RAB31: variants seen among roughly 807,000 people sequenced by gnomAD.
RAB31 encodes ras-related protein Rab-31.
RAB31 carries 21 observed loss-of-function variants against 25.6 expected under a neutral mutation model. The ratio of observed to expected loss-of-function variants is 0.82; its 90% CI spans 0.58 to 1.18. The LOEUF (loss-of-function observed/expected upper bound fraction) is 1.18, where lower values mean the gene tolerates loss of function less well. RAB31 is among the 50% of genes most tolerant of loss of function. RAB31 has a pLI of 0.00. For missense variants in RAB31, 196 were observed against 250.1 expected, an observed-to-expected ratio of 0.78 and a Z score of 1.46; for synonymous variants, 87 against 84.0, an observed-to-expected ratio of 1.04 and a Z score of -0.20.
intron 1 of RAB31, among the ~76,000 whole-genome samples, chr18:9,718,239 A>G (rs1432325808): frequency 6.6e-6 from 1 of 151,812 alleles, no homozygotes; most frequent in Non-Finnish European, 1.5e-5. Context: ...TCATTTTAGC[A>G]GCTAAAATAT....
chr18:9,784,703 C>G (rs990644914), intron 2 of RAB31, among the ~76,000 whole-genome samples: 2 of 151,958 alleles, frequency 1.3e-5, no homozygotes, highest in African/African-American at 4.8e-5. Flanking sequence ...CAGGCACACA[C>G]CACCACACCT....
chr18:9,791,027 C>A (rs951746623), intron 2 of RAB31, among the ~76,000 whole-genome samples: 1 of 152,140 alleles, frequency 6.6e-6, no homozygotes, highest in Non-Finnish European at 1.5e-5. Context: ...TCTACTGAGG[C>A]TTTAAAATCC....
intron 3 of RAB31, among the ~76,000 whole-genome samples, chr18:9,796,919 T>C (rs1265284231): frequency 1.3e-5 from 2 of 152,166 alleles, no homozygotes. Flanking sequence ...ATTAAAGTTA[T>C]ATTAAATATT....
chr18:9,775,657 G>C (rs952625259), intron 2 of RAB31, among the ~76,000 whole-genome samples: 11 of 152,080 alleles, frequency 7.2e-5, no homozygotes, highest in African/African-American at 2.4e-4. Flanking sequence ...GTTGGAAGAC[G>C]ATATGCAGAG....
chr18:9,809,084 A>G (rs887025945), intron 3 of RAB31, among the ~76,000 whole-genome samples: 1 of 152,246 alleles, frequency 6.6e-6, no homozygotes, highest in Non-Finnish European at 1.5e-5. Flanking sequence ...GTGCGAGCAC[A>G]TAAGGCAGTA....
chr18:9,809,176 G>T (rs1231007492), intron 3 of RAB31, among the ~76,000 whole-genome samples: 1 of 152,204 alleles, frequency 6.6e-6, no homozygotes, highest in Non-Finnish European at 1.5e-5. Context: ...TTGGCCGTGA[G>T]CTCTGGAGGG....
chr18:9,834,719 G>A (rs1276429670), intron 5 of RAB31, among the ~76,000 whole-genome samples: 1 of 152,160 alleles, frequency 6.6e-6, no homozygotes, highest in East Asian at 1.9e-4. Context: ...CTTCTTTGGC[G>A]GTGGGGGAAG....
At chr18:9,787,060 C>T in intron 2 of RAB31, 1 of 204,480 alleles carries the variant, frequency 4.9e-6, no homozygotes, top group East Asian at 1.2e-4. Context: ...TCAGTCATAT[C>T]TGCCTGAACT....
intron 1 of RAB31, among the ~76,000 whole-genome samples, chr18:9,743,001 A>T (rs1489209678): frequency 1.3e-5 from 2 of 152,210 alleles, no homozygotes; most frequent in African/African-American, 4.8e-5. Context: ...CAACATGTTG[A>T]TGTTCTCGGA....
At chr18:9,857,652 G>A (rs142674163) in intron 6 of RAB31, among the ~76,000 whole-genome samples, 36 of 123,764 alleles carry the variant, frequency 2.9e-4, no homozygotes, top group African/African-American at 9.8e-4. Context: ...TAGATAGATA[G>A]ATAGATAGAT....
In RAB31 at chr18:9,800,859, C is replaced by T. The variant is rs114681322; in HGVS notation, c.201+8624C>T. Among the ~76,000 whole-genome samples, 466 of 152,252 alleles carry T rather than the reference C, an allele frequency of 3.1e-3. 4 individuals carry two copies. Among genetic ancestry groups the T allele is most frequent in the African/African-American group, 0.011 (441 of 41,550 alleles). On this transcript the variant is annotated intron_variant, in intron 3 of 6. Transcript: ENST00000578921. ...ATACAATTTATCCATCTAAAGTACG[C>T]ACCTTGGTGGGTTCTGATGTGTTCC...
chr18:9,853,943 TTTTTCTTTTC>T (rs199569039), intron 6 of RAB31, among the ~76,000 whole-genome samples: 3 of 146,810 alleles, frequency 2.0e-5, no homozygotes, highest in African/African-American at 2.4e-5. Flanking sequence ...AGGTTTTCTT[TTTTTCTTTTC>T]TTTTCTTTTC....
intron 2 of RAB31, 101 bp from the exon 3 acceptor site, chr18:9,792,053 T>G: frequency 1.4e-6 from 2 of 1,455,250 alleles, no homozygotes; most frequent in Non-Finnish European, 9.2e-7. Flanking sequence ...GACCAGGGCT[T>G]TTTGGGGTCC....
chr18:9,789,084 A>G (rs1053782235), intron 2 of RAB31, among the ~76,000 whole-genome samples: 2 of 152,258 alleles, frequency 1.3e-5, no homozygotes, highest in Non-Finnish European at 2.9e-5. Context: ...TCATGGCAAC[A>G]TGGATGAACC....
At chr18:9,811,590 A>G (rs112675350) in intron 3 of RAB31, among the ~76,000 whole-genome samples, 47 of 152,334 alleles carry the variant, frequency 3.1e-4, no homozygotes, top group Non-Finnish European at 6.0e-4. Context: ...AAACCATATT[A>G]TTTAAAACTC....
intron 1 of RAB31, among the ~76,000 whole-genome samples, chr18:9,750,756 C>G (rs1450426483): frequency 6.6e-6 from 1 of 152,216 alleles, no homozygotes; most frequent in Admixed American, 6.5e-5. Context: ...GTTGTCCAAA[C>G]CACTAAGTGA....
chr18:9,817,759 C>T (rs575137583), intron 5 of RAB31, among the ~76,000 whole-genome samples: 1 of 152,194 alleles, frequency 6.6e-6, no homozygotes, highest in South Asian at 2.1e-4. Flanking sequence ...ACAGGTACAG[C>T]ATTCTTCTTG....
intron 3 of RAB31, among the ~76,000 whole-genome samples, chr18:9,803,107 C>CCCCACCAG (rs1261228179): frequency 6.6e-6 from 1 of 152,210 alleles, no homozygotes; most frequent in East Asian, 1.9e-4. Context: ...CCTGCACCAT[C>CCCCACCAG]CCCACCAGCC....
chr18:9,777,104 G>A (rs2068375931), intron 2 of RAB31, among the ~76,000 whole-genome samples: 1 of 152,140 alleles, frequency 6.6e-6, no homozygotes, highest in African/African-American at 2.4e-5. Context: ...CTCTTTGGGA[G>A]GCCTAGGTGG....
Sources: allele counts gnomAD v4.1 joint callset (sites outside exome capture counted in the v4.1 genomes callset), GRCh38; gene constraint gnomAD v4.1.1; transcripts MANE v1.5; gene names NCBI Gene and HGNC (gene_info 2026-07-23, HGNC 2026-07-21).